The following ACSL3 variants were observed in gnomAD, a reference collection of about 807,000 sequenced individuals.
ACSL3 encodes acyl-CoA synthetase long chain family member 3.
In ACSL3, 34 loss-of-function variants were observed where a neutral mutation model predicts 84.7. That is an observed-to-expected ratio of 0.40 (90% CI 0.31 to 0.53). ACSL3 has a LOEUF of 0.53. Ranked by LOEUF, ACSL3 falls within the 20% of genes least tolerant of loss-of-function variation. The pLI, the probability that ACSL3 is intolerant of heterozygous loss-of-function variation, is 0.48. For synonymous variants in ACSL3, 315 were observed against 299.4 expected, an observed-to-expected ratio of 1.05 and a Z score of -0.54; for missense variants, 680 against 873.1, an observed-to-expected ratio of 0.78 and a Z score of 2.79.
intron 3 of ACSL3, among the ~76,000 whole-genome samples, chr2:222,903,692 A>T (rs1326404480): frequency 6.6e-6 from 1 of 152,246 alleles, no homozygotes. Flanking sequence ...ATTCTCTGAA[A>T]TAGTCTTCCA....
At chr2:222,922,540 C>G (rs918273326) in intron 8 of ACSL3, among the ~76,000 whole-genome samples, 168 bp from the exon 9 acceptor site, 1 of 130,226 alleles carries the variant, frequency 7.7e-6, no homozygotes, top group African/African-American at 3.0e-5. Context: ...TCTGCCTATC[C>G]TCTGTTTTCA....
intron 1 of ACSL3, among the ~76,000 whole-genome samples, chr2:222,877,030 G>C (rs564112880): frequency 1.2e-4 from 19 of 152,224 alleles, no homozygotes; most frequent in Non-Finnish European, 2.1e-4. Context: ...TGGGACCCAG[G>C]GGACATACCA....
chr2:222,883,569 T>G (rs1401234814), intron 1 of ACSL3, among the ~76,000 whole-genome samples: 1 of 152,282 alleles, frequency 6.6e-6, no homozygotes, highest in East Asian at 1.9e-4. Flanking sequence ...AAGTCAGTTA[T>G]TTTTTCCCTC....
intron 3 of ACSL3, 110 bp downstream of exon 3, chr2:222,900,890 T>C (rs1204833626): frequency 1.3e-5 from 2 of 152,240 alleles, no homozygotes; most frequent in African/African-American, 4.8e-5. Flanking sequence ...TTTGTGTACA[T>C]TAGAATGCAA....
At chr2:222,880,383 T>G (rs962545751) in intron 1 of ACSL3, among the ~76,000 whole-genome samples, 5 of 152,150 alleles carry the variant, frequency 3.3e-5, no homozygotes, top group Admixed American at 1.3e-4. Context: ...CAGGGTTTTT[T>G]TGTGTGTGTC....
chr2:222,907,881 T>G (rs1294904113), intron 3 of ACSL3, among the ~76,000 whole-genome samples: 3 of 152,136 alleles, frequency 2.0e-5, no homozygotes, highest in Non-Finnish European at 4.4e-5. Flanking sequence ...GAGTCTCTGT[T>G]CAGATATCAC....
chr2:222,909,218 G>T (rs891055007), intron 4 of ACSL3, 68 bp downstream of exon 4: 6 of 1,462,298 alleles, frequency 4.1e-6, no homozygotes, highest in Non-Finnish European at 5.6e-6. Context: ...GAAGTAAAGG[G>T]CAAGCACAGC....
intron 1 of ACSL3, among the ~76,000 whole-genome samples, chr2:222,876,337 T>G (rs1475777919): frequency 1.3e-5 from 2 of 150,792 alleles, no homozygotes; most frequent in Non-Finnish European, 3.0e-5. Flanking sequence ...TGTTTTTTTG[T>G]TTTTTTTTGA....
chr2:222,861,047 T>G lies in ACSL3; in HGVS notation c.-418T>G, dbSNP rs1439896546. On this transcript the variant is annotated 5_prime_UTR_variant, in exon 1 of 17. Coordinates refer to ENST00000357430, the MANE Select transcript of ACSL3 (RefSeq NM_004457.5). ...CGGTTCCGCTCAACAGACGCTGCTG[T>G]GGCTGCGCCGGGCTGCGACACTGCA... 6.6e-6 allele frequency: 1 copy of G among 152,280 alleles called. No homozygotes were observed. The highest frequency in any genetic ancestry group is 1.5e-5 in the Non-Finnish European group (1 of 68,100). The allele number at this position is 152,280 out of a possible 1,614,324, so 9.4% of individuals were successfully genotyped here.
intron 2 of ACSL3, among the ~76,000 whole-genome samples, chr2:222,889,257 G>A (rs1458747960): frequency 1.3e-5 from 2 of 152,270 alleles, no homozygotes; most frequent in Admixed American, 6.5e-5. Context: ...GGATATTTGA[G>A]GAGGGAAAAG....
At chr2:222,916,129 G>A (rs1696575076) in intron 4 of ACSL3, among the ~76,000 whole-genome samples, 190 bp from the exon 5 acceptor site, 1 of 152,056 alleles carries the variant, frequency 6.6e-6, no homozygotes, top group South Asian at 2.1e-4. Context: ...AGTTGTTATA[G>A]AAGATGTCAC....
At chr2:222,880,526 A>T (rs1241534971) in intron 1 of ACSL3, among the ~76,000 whole-genome samples, 1 of 152,080 alleles carries the variant, frequency 6.6e-6, no homozygotes, top group African/African-American at 2.4e-5. Context: ...TTAATAATAT[A>T]TAAAAAAACT....
intron 1 of ACSL3, among the ~76,000 whole-genome samples, chr2:222,884,904 T>C (rs1195458980): frequency 1.3e-5 from 2 of 152,232 alleles, no homozygotes; most frequent in Admixed American, 6.5e-5. Flanking sequence ...TTATAGTGAT[T>C]TCCTTGACCT....
chr2:222,921,252 A>G, intron 7 of ACSL3, 28 bp from the exon 8 acceptor site: 9 of 1,586,196 alleles, frequency 5.7e-6, no homozygotes, highest in South Asian at 1.1e-5. Context: ...ATGAAAGTGT[A>G]TGTGTGTGTT....
intron 1 of ACSL3, among the ~76,000 whole-genome samples, chr2:222,876,224 C>G (rs1288042527): frequency 1.3e-5 from 2 of 152,220 alleles, no homozygotes; most frequent in Non-Finnish European, 2.9e-5. Flanking sequence ...AGCTTTGATT[C>G]TGGTACCCAT....
chr2:222,916,748 A>T (rs1464803754), intron 5 of ACSL3: 9 of 302,966 alleles, frequency 3.0e-5, no homozygotes. Flanking sequence ...AACTAGACCT[A>T]CACTTAGGGG....
intron 3 of ACSL3, chr2:222,904,719 T>TC: frequency 6.5e-6 from 1 of 153,934 alleles, no homozygotes; most frequent in Admixed American, 6.5e-5. Flanking sequence ...GGTTCCAAAT[T>TC]CCTGGTCCAG....
At chr2:222,888,852 T>C (rs1250293359) in intron 2 of ACSL3, among the ~76,000 whole-genome samples, 2 of 152,202 alleles carry the variant, frequency 1.3e-5, no homozygotes, top group Non-Finnish European at 2.9e-5. Flanking sequence ...AGGAATATAC[T>C]TTGTCCACTT....
intron 2 of ACSL3, among the ~76,000 whole-genome samples, chr2:222,890,757 T>G (rs1022632555): frequency 3.3e-5 from 5 of 152,114 alleles, no homozygotes; most frequent in Non-Finnish European, 7.4e-5. Context: ...TTCTTGTGCC[T>G]CAGCCTCCCA....
Sources: allele counts gnomAD v4.1 joint callset (sites outside exome capture counted in the v4.1 genomes callset), GRCh38; gene constraint gnomAD v4.1.1; transcripts MANE v1.5; gene names NCBI Gene and HGNC (gene_info 2026-07-23, HGNC 2026-07-21).